The following KIF6 variants were observed in gnomAD, a reference collection of about 807,000 sequenced individuals.
KIF6 encodes the protein kinesin family member 6, also known as kinesin-like protein KIF6.
Under a neutral mutation model 112.7 loss-of-function variants are expected in KIF6, and 106 were observed. The observed-to-expected ratio is 0.94, with a 90% CI of 0.80 to 1.11. KIF6 has a LOEUF of 1.11. Ranked by LOEUF, KIF6 falls within the 50% of genes least tolerant of loss-of-function variation. KIF6 has a pLI of 0.00. For synonymous variants in KIF6, 339 were observed against 339.9 expected (o/e 1.00, Z 0.03); for missense variants, 929 against 964.0 (o/e 0.96, Z 0.48).
At chr6:39,446,875 TAAAG>T (rs1166029826) in intron 13 of KIF6, among the ~76,000 whole-genome samples, 2 of 152,156 alleles carry the variant, frequency 1.3e-5, no homozygotes, top group African/African-American at 2.4e-5. Context: ...TATATAAAAA[TAAAG>T]AAAACAATAT....
At chr6:39,605,492 C>A (rs1191055011) in intron 6 of KIF6, among the ~76,000 whole-genome samples, 2 of 151,892 alleles carry the variant, frequency 1.3e-5, no homozygotes, top group East Asian at 3.9e-4. Flanking sequence ...TATAGACAAG[C>A]TGAAATTACC....
chr6:39,343,679 A>T lies in KIF6; in HGVS notation c.2428+30T>A. 6.5e-7 allele frequency: 1 copy of T among 1,530,546 alleles called. No homozygotes were observed. Among genetic ancestry groups the T allele is most frequent in the Non-Finnish European group, 8.9e-7 (1 of 1,117,956 alleles). 94.8% of individuals were successfully genotyped at this position (1,530,546 alleles called of 1,614,324 possible). On this transcript the variant is annotated intron_variant, in intron 22 of 22. Transcript: ENST00000287152. The surrounding 1 kb of genome is among the most constrained non-coding windows in gnomAD (Gnocchi z 4.1). ...CACAAGTGTTGGTGACCTGCTGCCCAGGAGGAGCCACCGAGGGAGGTGCAC... is the reference window on the plus strand; with the variant it reads ...CACAAGTGTTGGTGACCTGCTGCCCTGGAGGAGCCACCGAGGGAGGTGCAC...
chr6:39,490,532 G>T (rs968693690), intron 13 of KIF6, among the ~76,000 whole-genome samples: 2 of 152,100 alleles, frequency 1.3e-5, no homozygotes, highest in Non-Finnish European at 2.9e-5. Flanking sequence ...TGGGTTTGTC[G>T]CCTATAAAAT....
chr6:39,511,372 C>T (rs1231792455), intron 13 of KIF6, among the ~76,000 whole-genome samples: 1 of 152,130 alleles, frequency 6.6e-6, no homozygotes, highest in Non-Finnish European at 1.5e-5. Context: ...CAAAGAAATG[C>T]AAATCAAAAC....
At chr6:39,565,468 C>CA (rs1229898289) in intron 10 of KIF6, among the ~76,000 whole-genome samples, 1 of 152,124 alleles carries the variant, frequency 6.6e-6, no homozygotes, top group African/African-American at 2.4e-5. Flanking sequence ...TCCGCAAGCC[C>CA]AGGGAATCAA....
intron 13 of KIF6, among the ~76,000 whole-genome samples, chr6:39,474,251 G>A (rs574544886): frequency 6.6e-6 from 1 of 152,264 alleles, no homozygotes; most frequent in East Asian, 1.9e-4. Context: ...ATACCTATTT[G>A]AGGTCTCTTC....
chr6:39,360,120 C>T (rs1435589514), intron 18 of KIF6, among the ~76,000 whole-genome samples: 1 of 152,168 alleles, frequency 6.6e-6, no homozygotes, highest in East Asian at 1.9e-4. Flanking sequence ...GAATATCACA[C>T]AAAGCATTGG....
At chr6:39,432,621 T>G (rs1423270013) in intron 13 of KIF6, among the ~76,000 whole-genome samples, 1 of 152,170 alleles carries the variant, frequency 6.6e-6, no homozygotes, top group Non-Finnish European at 1.5e-5. Context: ...CACATCTGCC[T>G]TGCACACTCT....
intron 1 of KIF6, among the ~76,000 whole-genome samples, chr6:39,723,530 T>A (rs1226233859): frequency 2.0e-5 from 3 of 152,184 alleles, no homozygotes; most frequent in African/African-American, 7.2e-5. Context: ...GAAAATGTGG[T>A]ACATATATAT....
intron 7 of KIF6, among the ~76,000 whole-genome samples, chr6:39,590,109 G>T (rs1781851763): frequency 6.6e-6 from 1 of 152,066 alleles, no homozygotes; most frequent in Admixed American, 6.6e-5. Flanking sequence ...AGTCAGAGTG[G>T]CAAGAGATGC....
chr6:39,616,244 A>G (rs558185656), intron 5 of KIF6, among the ~76,000 whole-genome samples: 2 of 152,322 alleles, frequency 1.3e-5, no homozygotes, highest in African/African-American at 4.8e-5. Context: ...TTGATCTCCA[A>G]TGTAGCTACT....
chr6:39,347,321 C>G (rs961510084), intron 19 of KIF6, among the ~76,000 whole-genome samples: 3 of 152,182 alleles, frequency 2.0e-5, no homozygotes, highest in African/African-American at 7.2e-5. Context: ...CACTGCCTGC[C>G]CCTGGGACCT....
intron 15 of KIF6, among the ~76,000 whole-genome samples, chr6:39,396,537 G>A (rs1478858017): frequency 1.3e-5 from 2 of 152,210 alleles, no homozygotes; most frequent in African/African-American, 2.4e-5. Context: ...AAAACGGCAG[G>A]AGAAGTTGCA....
chr6:39,559,210 G>A (rs1255368647), intron 10 of KIF6, among the ~76,000 whole-genome samples: 2 of 152,130 alleles, frequency 1.3e-5, no homozygotes, highest in Non-Finnish European at 2.9e-5. Context: ...TTTATAGACA[G>A]CCATTATTAG....
At chr6:39,652,527 CAA>C (rs35256748) in intron 3 of KIF6, among the ~76,000 whole-genome samples, 15 of 140,226 alleles carry the variant, frequency 1.1e-4, no homozygotes, top group South Asian at 2.2e-4. Context: ...AACTCCATCT[CAA>C]AAAAAAAAAA....
At chr6:39,542,789 A>G (rs1224328726) in intron 12 of KIF6, among the ~76,000 whole-genome samples, 1 of 152,182 alleles carries the variant, frequency 6.6e-6, no homozygotes, top group African/African-American at 2.4e-5. Flanking sequence ...AGCAGGTCTT[A>G]TGGTCCTGCT....
At chr6:39,565,775 A>G (rs1295090782) in intron 10 of KIF6, among the ~76,000 whole-genome samples, 1 of 152,258 alleles carries the variant, frequency 6.6e-6, no homozygotes, top group African/African-American at 2.4e-5. Context: ...ATTTCATAAA[A>G]CATTTGAGTA....
At chr6:39,671,172 A>C (rs1241170537) in intron 3 of KIF6, among the ~76,000 whole-genome samples, 1 of 152,242 alleles carries the variant, frequency 6.6e-6, no homozygotes, top group Non-Finnish European at 1.5e-5. Context: ...AAAGCCAAAA[A>C]GGAAGAGTGA....
In KIF6 at chr6:39,330,592, G is replaced by A. The variant is rs984482155; in HGVS notation, c.*5940C>T. 1 of 152,298 alleles carries A rather than the reference G, an allele frequency of 6.6e-6. No homozygotes were observed. The highest frequency in any genetic ancestry group is 2.4e-5 in the African/African-American group (1 of 41,464). The allele number at this position is 152,298 out of a possible 1,614,324, so 9.4% of individuals were successfully genotyped here. A position where few individuals can be genotyped will look rare whatever the true frequency, so the allele number is the denominator to read the frequency against. On this transcript the variant is annotated 3_prime_UTR_variant, in exon 23 of 23. Transcript: ENST00000287152. ...GGAGGGGCTGCCCTCCTGAGATCAG[G>A]AGCTGAGTGAATGGAGAGGGAAGAG...
Sources: allele counts gnomAD v4.1 joint callset (sites outside exome capture counted in the v4.1 genomes callset), GRCh38; gene constraint gnomAD v4.1.1; non-coding constraint Gnocchi (gnomAD v3.1); transcripts MANE v1.5; gene names NCBI Gene and HGNC (gene_info 2026-07-23, HGNC 2026-07-21).